The following KCNH1 variants were observed in gnomAD, a reference collection of about 807,000 sequenced individuals.
KCNH1 encodes the protein voltage-gated delayed rectifier potassium channel KCNH1.
Under a neutral mutation model 69.2 loss-of-function variants are expected in KCNH1, and 27 were observed. The observed-to-expected ratio is 0.39, with a 90% confidence interval of 0.29 to 0.54. The LOEUF (loss-of-function observed/expected upper bound fraction) is 0.54, where lower values mean the gene tolerates loss of function less well. Among genes scored for constraint, KCNH1 ranks in the 20% least tolerant of loss-of-function variants. The pLI is 0.68. For missense variants in KCNH1, 798 were observed against 1,261.6 expected (o/e 0.63, Z 5.57); for synonymous variants, 456 against 487.7 (o/e 0.93, Z 0.86).
In KCNH1 at chr1:210,804,411, T is replaced by C. The variant is rs557067936; in HGVS notation, c.1463-245A>G. Among the ~76,000 whole-genome samples the C allele has an allele frequency of 2.6e-5, 4 of 152,224 alleles. No homozygotes were observed. The East Asian group carries it at 5.8e-4, about 22-fold the overall frequency. On this transcript the variant is annotated intron_variant, in intron 7 of 10. Transcript: ENST00000271751. The stretch of plus-strand genomic sequence containing the variant: ...GTGTGGGAGACAGGGCTAGGGTGCA[T>C]GTGAGCTGGCATGGCCGGGGCCAGA...
At chr1:210,779,889 T>G (rs4951591) in intron 9 of KCNH1, among the ~76,000 whole-genome samples, 2,553 of 152,280 alleles carry the variant, frequency 0.017, 85 homozygotes, top group East Asian at 0.14. Flanking sequence ...GGGGTACCAA[T>G]GTAGGACTGA....
At chr1:210,972,926 C>CAAAAAAAAAAA (rs34391382) in intron 6 of KCNH1, among the ~76,000 whole-genome samples, 1 of 134,198 alleles carries the variant, frequency 7.5e-6, no homozygotes. Flanking sequence ...CCAAACGTCT[C>CAAAAAAAAAAA]AAAAAAAAAA....
chr1:211,000,101 A>C (rs1689143846), intron 6 of KCNH1, among the ~76,000 whole-genome samples: 1 of 152,236 alleles, frequency 6.6e-6, no homozygotes, highest in African/African-American at 2.4e-5. Context: ...GAAAACTGGC[A>C]CAAGACAGGG....
At chr1:210,882,432 C>A (rs1558509795) in intron 7 of KCNH1, among the ~76,000 whole-genome samples, 1 of 152,054 alleles carries the variant, frequency 6.6e-6, no homozygotes. Context: ...GATAGAATCA[C>A]CTTATCCCAC....
intron 6 of KCNH1, among the ~76,000 whole-genome samples, chr1:211,012,897 G>A (rs773183881): frequency 2.6e-5 from 4 of 152,162 alleles, no homozygotes; most frequent in Non-Finnish European, 5.9e-5. Flanking sequence ...GGAGGGGAGG[G>A]TGGTCTCTGT....
chr1:210,975,005 G>A (rs891388546), intron 6 of KCNH1, among the ~76,000 whole-genome samples: 2 of 152,034 alleles, frequency 1.3e-5, no homozygotes, highest in African/African-American at 4.8e-5. Context: ...ATGATAAAAA[G>A]ATATATTTAA....
intron 10 of KCNH1, among the ~76,000 whole-genome samples, chr1:210,767,737 C>A (rs1364228674): frequency 1.3e-5 from 2 of 152,122 alleles, no homozygotes; most frequent in Non-Finnish European, 2.9e-5. Context: ...CAACTACATA[C>A]ACCTAAGAAA....
At chr1:210,714,523 TAC>T (rs1682172856) in intron 10 of KCNH1, among the ~76,000 whole-genome samples, 2 of 152,156 alleles carry the variant, frequency 1.3e-5, no homozygotes, top group African/African-American at 4.8e-5. Flanking sequence ...AACACAACGG[TAC>T]GTGCAATGAG....
intron 7 of KCNH1, among the ~76,000 whole-genome samples, chr1:210,866,349 A>G (rs1422508822): frequency 6.6e-6 from 1 of 152,212 alleles, no homozygotes; most frequent in East Asian, 1.9e-4. Flanking sequence ...CTCGCAGAAA[A>G]TATTTGCAAA....
intron 5 of KCNH1, among the ~76,000 whole-genome samples, chr1:211,052,227 G>A (rs577925050): frequency 1.8e-4 from 27 of 152,326 alleles, no homozygotes; most frequent in African/African-American, 5.8e-4. Flanking sequence ...ACGGAATTCC[G>A]TGGCCCCCAT....
At chr1:210,939,469 C>T (rs1687840319) in intron 6 of KCNH1, among the ~76,000 whole-genome samples, 1 of 152,110 alleles carries the variant, frequency 6.6e-6, no homozygotes, top group Non-Finnish European at 1.5e-5. Context: ...AAGCATGTTC[C>T]AGACAGAAGG....
At chr1:210,778,346 G>C (rs996330798) in intron 9 of KCNH1, among the ~76,000 whole-genome samples, 2 of 152,042 alleles carry the variant, frequency 1.3e-5, no homozygotes, top group Non-Finnish European at 2.9e-5. Context: ...GCAACAAAGT[G>C]AGACCTTGCC....
At chr1:210,958,147 GATTTTA>G (rs1442069035) in intron 6 of KCNH1, among the ~76,000 whole-genome samples, 20 of 152,222 alleles carry the variant, frequency 1.3e-4, no homozygotes, top group Middle Eastern at 6.8e-3. Context: ...GTCTGTAAAG[GATTTTA>G]TTTCTCCTTC....
chr1:211,014,635 C>T (rs116420060), intron 6 of KCNH1, among the ~76,000 whole-genome samples: 1,979 of 152,256 alleles, frequency 0.013, 48 homozygotes, highest in African/African-American at 0.045. Context: ...CCCACCCCCA[C>T]TGCACACATA....
chr1:210,748,657 T>A (rs1311488197), intron 10 of KCNH1, among the ~76,000 whole-genome samples: 1 of 152,208 alleles, frequency 6.6e-6, no homozygotes, highest in Non-Finnish European at 1.5e-5. Context: ...CAAAGAGATC[T>A]GACCCCTTAC....
At chr1:210,794,940 A>G (rs1684278361) in intron 9 of KCNH1, among the ~76,000 whole-genome samples, 2 of 152,190 alleles carry the variant, frequency 1.3e-5, no homozygotes, top group Admixed American at 6.5e-5. Flanking sequence ...CAGATATACT[A>G]AAGCAATGGT....
chr1:211,035,236 CTTTTTTTTTTTTTT>C (rs765170558), intron 5 of KCNH1, among the ~76,000 whole-genome samples: 4 of 75,048 alleles, frequency 5.3e-5, no homozygotes, highest in Non-Finnish European at 9.4e-5. Flanking sequence ...TACTGGCATT[CTTTTTTTTTTTTTT>C]TTTTTTTTTT....
rs371088743 is a variant in KCNH1 at position 210,917,301 on chromosome 1, CAGAG to C, written c.1462+2335_1462+2338del. Among the ~76,000 whole-genome samples the C allele has an allele frequency of 8.5e-3, 1,219 of 143,810 alleles. 22 individuals carry two copies. Among genetic ancestry groups the C allele is most frequent in the African/African-American group, 0.03 (1,157 of 38,336 alleles). 94.3% of individuals were successfully genotyped at this position (143,810 alleles called of 152,430 possible). On this transcript the variant is annotated intron_variant, in intron 7 of 10. Transcript: ENST00000271751. The stretch of plus-strand genomic sequence containing the variant: ...AAAGAAAAGAAAAGAAAGAGAAACA[CAGAG>C]AGAGAGAGAGAAAGAAAGGGAGACA...
chr1:210,866,079 G>T (rs193171836), intron 7 of KCNH1, among the ~76,000 whole-genome samples: 4 of 152,276 alleles, frequency 2.6e-5, no homozygotes, highest in African/African-American at 9.6e-5. Context: ...AGTGAATGAA[G>T]TTGGACCCCT....
Sources: allele counts gnomAD v4.1 joint callset (sites outside exome capture counted in the v4.1 genomes callset), GRCh38; gene constraint gnomAD v4.1.1; transcripts MANE v1.5; gene names NCBI Gene and HGNC (gene_info 2026-07-23, HGNC 2026-07-21).